Variants in C18orf63 observed in about 807,000 individuals in gnomAD.
The protein encoded by C18orf63 is chromosome 18 open reading frame 63.
A neutral mutation model predicts 75.3 loss-of-function variants in C18orf63; 50 were observed. That is an observed-to-expected ratio of 0.66 (90% CI 0.53 to 0.84). The LOEUF (loss-of-function observed/expected upper bound fraction) is 0.84, where lower values mean the gene tolerates loss of function less well. C18orf63 is among the 40% of genes least tolerant of loss of function. The probability of loss-of-function intolerance (pLI) is 0.00; values close to 1 mark genes in which losing one functional copy is unlikely to be tolerated. For synonymous variants in C18orf63, 232 were observed against 267.6 expected (o/e 0.87, Z 1.30); for missense variants, 732 against 800.2 (o/e 0.91, Z 1.03).
intron 7 of C18orf63, among the ~76,000 whole-genome samples, chr18:74,333,257 C>G (rs1450064383): frequency 6.6e-6 from 1 of 152,156 alleles, no homozygotes; most frequent in Non-Finnish European, 1.5e-5. Flanking sequence ...GGCACTCGTT[C>G]TGATATGACA....
At chr18:74,338,846 T>G in intron 8 of C18orf63, 22 bp downstream of exon 8, 2 of 1,093,110 alleles carry the variant, frequency 1.8e-6, no homozygotes, top group Non-Finnish European at 2.5e-6. Flanking sequence ...ATTTGTAATA[T>G]CTAGGGTGGG....
At chr18:74,335,254 T>C (rs1437234534) in intron 7 of C18orf63, among the ~76,000 whole-genome samples, 1 of 152,132 alleles carries the variant, frequency 6.6e-6, no homozygotes, top group Non-Finnish European at 1.5e-5. Context: ...GTGACTTTTG[T>C]TTCTAAATTC....
At chr18:74,344,929 T>C (rs191907410) in intron 11 of C18orf63, among the ~76,000 whole-genome samples, 127 of 152,196 alleles carry the variant, frequency 8.3e-4, no homozygotes, top group Non-Finnish European at 1.4e-3. Context: ...CCTCCAGGAG[T>C]AGAATTGGTA....
chr18:74,344,518 T>TA (rs1459683500), intron 11 of C18orf63, among the ~76,000 whole-genome samples: 1 of 152,000 alleles, frequency 6.6e-6, no homozygotes, highest in East Asian at 1.9e-4. Context: ...GCCTCCTACT[T>TA]AACACCTTCC....
intron 11 of C18orf63, among the ~76,000 whole-genome samples, chr18:74,350,253 TC>T (rs1984645046): frequency 6.6e-6 from 1 of 152,176 alleles, no homozygotes; most frequent in African/African-American, 2.4e-5. Flanking sequence ...CCCTCCTCTC[TC>T]TGTTCTCTCC....
In C18orf63 at chr18:74,342,076, C is replaced by T. The variant is rs1984497843; in HGVS notation, c.656C>T (p.Ala219Val). 6.5e-7 allele frequency: 1 copy of T among 1,529,500 alleles called. No homozygotes were observed. The highest frequency in any genetic ancestry group is 8.8e-7 in the Non-Finnish European group (1 of 1,141,572). The allele number at this position is 1,529,500 out of a possible 1,614,324, so 94.7% of individuals were successfully genotyped here. ...QIINIFHAIP[A>V]ACPFHSYGDF... ...ATAAATATTTTTCATGCCATCCCCG[C>T]TGCCTGTCCTTTTCACTCATATGGA... Residue 219 changes from alanine to valine, a missense_variant, in exon 9 of 14, where the codon GCT becomes GTT. Transcript: ENST00000579455.
chr18:74,324,948 T>C (rs1984184281), intron 4 of C18orf63, among the ~76,000 whole-genome samples: 1 of 152,208 alleles, frequency 6.6e-6, no homozygotes, highest in South Asian at 2.1e-4. Context: ...TGAGCCTTTA[T>C]GGTTATGCTC....
chr18:74,328,917 CATCAAGCATAGTTATAAAT>C lies in C18orf63; in HGVS notation c.383-68_383-50del, dbSNP rs1431491488. The C allele has an allele frequency of 5.1e-6, 4 of 791,098 alleles. No homozygotes were observed. In the Admixed American group the frequency reaches 8.4e-5, roughly 17 times the overall value. 49.0% of individuals were successfully genotyped at this position (791,098 alleles called of 1,614,324 possible). The stretch of plus-strand genomic sequence containing the variant: ...ATTTTCTTTAGCTTTGATAATCTCA[CATCAAGCATAGTTATAAAT>C]ATCAAGCATGATTATTTATGAGTTG... On this transcript the variant is annotated intron_variant, in intron 5 of 13. Transcript: ENST00000579455.
intron 2 of C18orf63, among the ~76,000 whole-genome samples, chr18:74,319,690 T>G (rs1407354876): frequency 6.6e-6 from 1 of 152,188 alleles, no homozygotes; most frequent in Non-Finnish European, 1.5e-5. Context: ...GTTGGTAACT[T>G]CACTGATAGG....
intron 5 of C18orf63, 42 bp downstream of exon 5, chr18:74,328,100 T>C (rs1984239547): frequency 8.9e-7 from 1 of 1,126,384 alleles, no homozygotes; most frequent in Non-Finnish European, 1.3e-6. Context: ...CTGAACTAGA[T>C]TACGTCTGTT....
intron 1 of C18orf63, among the ~76,000 whole-genome samples, chr18:74,316,852 T>A (rs1264810625): frequency 9.2e-5 from 14 of 152,196 alleles, no homozygotes; most frequent in Admixed American, 9.2e-4. Context: ...TAGTAATAAT[T>A]CTAATAAATT....
rs1243317973 is a variant in C18orf63 at position 74,342,034 on chromosome 18, T to C, written c.614T>C (p.Met205Thr). 16 of 1,482,492 alleles carry C rather than the reference T, an allele frequency of 1.1e-5. No homozygotes were observed. Among genetic ancestry groups the C allele is most frequent in the Non-Finnish European group, 5.4e-6 (6 of 1,101,082 alleles). 91.8% of individuals were successfully genotyped at this position (1,482,492 alleles called of 1,614,324 possible). ...TAGCTTCCTCTCATTTTTCATAGTA[T>C]GAAAATGGGACAAATTATAAATATT... Reference protein sequence around the residue: ...LSNWCYVLPSMKMGQIINIFH... With the variant: ...LSNWCYVLPSTKMGQIINIFH... The change falls in exon 9 of 14, where the codon ATG becomes ACG. Residue 205 changes from methionine to threonine, a missense_variant and splice_region_variant. Coordinates refer to ENST00000579455, the MANE Select transcript of C18orf63 (RefSeq NM_001174123.2).
rs533587404 is a variant in C18orf63, at chr18:74,315,930, G to A, written c.-212G>A. Reference sequence around the variant, plus strand: ...TGAGGCACGCGGGCTCTCAATCGACGCCCCACAGAGACCAAGAGGCCTGGC... The same window carrying A: ...TGAGGCACGCGGGCTCTCAATCGACACCCCACAGAGACCAAGAGGCCTGGC... On this transcript the variant is annotated 5_prime_UTR_variant, in exon 1 of 14. Coordinates refer to ENST00000579455, the MANE Select transcript of C18orf63 (RefSeq NM_001174123.2). 6.6e-5 allele frequency: 10 copies of A among 152,398 alleles called. No individual in the cohort carries two copies. The South Asian group carries it at 8.3e-4, about 13-fold the overall frequency. The allele number at this position is 152,398 out of a possible 1,614,324, so 9.4% of individuals were successfully genotyped here. A position where few individuals can be genotyped will look rare whatever the true frequency, so the allele number is the denominator to read the frequency against.
rs1415779647 is a variant in C18orf63, at chr18:74,354,457, A to G, written c.2002A>G (p.Ile668Val). ...YGQSSSSKKQ[I>V]LDSDKSKLKK... Reference sequence around the variant, plus strand: ...AATGTGATTCTTCAATCTAATACAGATACTTGACTCGGATAAATCAAAACT... The same window carrying G: ...AATGTGATTCTTCAATCTAATACAGGTACTTGACTCGGATAAATCAAAACT... Residue 668 changes from isoleucine to valine, a missense_variant and splice_region_variant, in exon 13 of 14, where the codon ATA becomes GTA. By Grantham distance (29) the Ile-to-Val change is conservative (BLOSUM62 3). This residue lies in a region of C18orf63 where 495 missense variants were observed against 508.7 expected (regional missense o/e 0.97). Coordinates refer to ENST00000579455, the MANE Select transcript of C18orf63 (RefSeq NM_001174123.2). 5 of 1,457,998 alleles carry G rather than the reference A, an allele frequency of 3.4e-6. No individual in the cohort carries two copies. In the East Asian group the frequency reaches 1.2e-4, roughly 36 times the overall value. The allele number at this position is 1,457,998 out of a possible 1,614,324, so 90.3% of individuals were successfully genotyped here. A position where few individuals can be genotyped will look rare whatever the true frequency, so the allele number is the denominator to read the frequency against.
At chr18:74,340,956 A>G (rs1984470631) in intron 8 of C18orf63, among the ~76,000 whole-genome samples, 1 of 152,094 alleles carries the variant, frequency 6.6e-6, no homozygotes, top group Non-Finnish European at 1.5e-5. Flanking sequence ...CATACTGACT[A>G]TAGTTAATAA....
intron 11 of C18orf63, among the ~76,000 whole-genome samples, chr18:74,344,421 A>G (rs772149975): frequency 4.0e-5 from 6 of 148,416 alleles, no homozygotes; most frequent in Non-Finnish European, 7.4e-5. Context: ...ACACATATAG[A>G]AAAGTAATAC....
At chr18:74,319,116 T>C (rs1984076720) in intron 2 of C18orf63, among the ~76,000 whole-genome samples, 1 of 152,210 alleles carries the variant, frequency 6.6e-6, no homozygotes, top group African/African-American at 2.4e-5. Flanking sequence ...TGATACCTGT[T>C]AAGGACTTAA....
Position 74,353,547 on chromosome 18 carries a change from C to T in C18orf63, c.1280C>T (p.Ser427Phe), listed in dbSNP as rs1358604064. Reference protein sequence around the residue: ...NTQVQHTNLSSQSNITPKFVP... With the variant: ...NTQVQHTNLSFQSNITPKFVP... ...CAAGTTCAGCACACAAATCTTAGCT[C>T]CCAAAGCAACATCACCCCTAAGTTT... The change falls in exon 12 of 14, where the codon TCC (serine) becomes TTC (phenylalanine). Residue 427 changes from serine (S) to phenylalanine (F), a missense_variant. Coordinates refer to ENST00000579455, the MANE Select transcript of C18orf63 (RefSeq NM_001174123.2). 7 of 1,536,482 alleles carry T rather than the reference C, an allele frequency of 4.6e-6. No individual in the cohort carries two copies. Among genetic ancestry groups the T allele is most frequent in the Non-Finnish European group, 6.1e-6 (7 of 1,147,022 alleles).
At chr18:74,321,590 C>T (rs896029414) in intron 3 of C18orf63, among the ~76,000 whole-genome samples, 2 of 152,082 alleles carry the variant, frequency 1.3e-5, no homozygotes, top group Non-Finnish European at 2.9e-5. Flanking sequence ...CAGGCTTGAG[C>T]CACCGTGCCC....
Sources: allele counts gnomAD v4.1 joint callset (sites outside exome capture counted in the v4.1 genomes callset), GRCh38; gene constraint gnomAD v4.1.1; regional missense constraint gnomAD v4.1.1; transcripts MANE v1.5; gene names NCBI Gene and HGNC (gene_info 2026-07-23, HGNC 2026-07-21).